Variants in GRM8 observed in about 807,000 individuals in gnomAD.
The protein encoded by GRM8 is metabotropic glutamate receptor 8.
A neutral mutation model predicts 87.2 loss-of-function variants in GRM8; 47 were observed. That is an observed-to-expected ratio of 0.54 (90% confidence interval 0.43 to 0.69). The LOEUF is 0.69. GRM8 is among the 30% of genes least tolerant of loss of function. The probability of loss-of-function intolerance (pLI) is 0.00; values close to 1 mark genes in which losing one functional copy is unlikely to be tolerated. For synonymous variants in GRM8, 396 were observed against 404.5 expected (o/e 0.98, Z 0.25); for missense variants, 1,019 against 1,139.2 (o/e 0.89, Z 1.52).
At chr7:126,738,863 G>T (rs1814575489) in intron 7 of GRM8, among the ~76,000 whole-genome samples, 1 of 151,798 alleles carries the variant, frequency 6.6e-6, no homozygotes, top group Non-Finnish European at 1.5e-5. Context: ...GGAGGAAGAG[G>T]AGTAGGGGAG....
intron 3 of GRM8, among the ~76,000 whole-genome samples, chr7:126,940,172 C>T (rs1172979848): frequency 2.0e-5 from 3 of 152,174 alleles, no homozygotes; most frequent in Non-Finnish European, 2.9e-5. Context: ...CCCACTAACC[C>T]CCACCTGCAA....
At chr7:126,477,579 G>GA (rs769352913) in intron 9 of GRM8, among the ~76,000 whole-genome samples, 2 of 81,536 alleles carry the variant, frequency 2.5e-5, no homozygotes, top group African/African-American at 4.1e-5. Context: ...AAGAAAGAAA[G>GA]AGAGAAAGAA....
intron 3 of GRM8, chr7:126,981,790 C>G (rs2131861651): frequency 6.6e-6 from 1 of 152,182 alleles, no homozygotes; most frequent in African/African-American, 2.4e-5. Flanking sequence ...GAAGCTGTCC[C>G]CACCATTAAT....
intron 3 of GRM8, among the ~76,000 whole-genome samples, chr7:126,957,673 C>G (rs1280264145): frequency 1.3e-5 from 2 of 152,242 alleles, no homozygotes; most frequent in Admixed American, 6.5e-5. Flanking sequence ...TCAGCCCCCT[C>G]TGGACTTTGG....
At chr7:126,865,249 A>G (rs1798487595) in intron 6 of GRM8, among the ~76,000 whole-genome samples, 1 of 152,186 alleles carries the variant, frequency 6.6e-6, no homozygotes, top group Non-Finnish European at 1.5e-5. Context: ...TTGGTATTGG[A>G]ATTTTTAATA....
At chr7:127,030,698 C>G (rs923383096) in intron 3 of GRM8, among the ~76,000 whole-genome samples, 2 of 152,114 alleles carry the variant, frequency 1.3e-5, no homozygotes, top group Admixed American at 1.3e-4. Flanking sequence ...CCATAACATG[C>G]TGAATAGTAC....
chr7:126,819,801 G>A (rs932247272), intron 6 of GRM8, among the ~76,000 whole-genome samples: 1 of 151,880 alleles, frequency 6.6e-6, no homozygotes, highest in African/African-American at 2.4e-5. Flanking sequence ...ATATCATGTT[G>A]GGGAATGGAA....
chr7:126,892,056 A>G (rs999935767), intron 6 of GRM8, among the ~76,000 whole-genome samples: 6 of 150,722 alleles, frequency 4.0e-5, no homozygotes, highest in Non-Finnish European at 5.9e-5. Flanking sequence ...CTAATAAACT[A>G]ATAATTTTTT....
chr7:127,115,037 AC>A (rs764615878), intron 2 of GRM8, among the ~76,000 whole-genome samples: 5 of 152,100 alleles, frequency 3.3e-5, no homozygotes, highest in Admixed American at 6.5e-5. Flanking sequence ...AACGGAAGCC[AC>A]CTTGAGGGGT....
At chr7:126,563,847 A>C (rs7807510) in intron 8 of GRM8, among the ~76,000 whole-genome samples, 1,847 of 152,372 alleles carry the variant, frequency 0.012, 36 homozygotes, top group African/African-American at 0.042. Context: ...TTCCTGATGC[A>C]TGAAATTTAT....
At chr7:126,609,298 TTAAAAA>T in intron 8 of GRM8, 58 bp downstream of exon 8, 2 of 1,283,930 alleles carry the variant, frequency 1.6e-6, no homozygotes, top group Non-Finnish European at 2.2e-6. Flanking sequence ...AGTTATACAC[TTAAAAA>T]TAAAGCATCC....
intron 3 of GRM8, among the ~76,000 whole-genome samples, chr7:127,008,055 A>AAAACAATG (rs1174112139): frequency 6.6e-6 from 1 of 151,986 alleles, no homozygotes; most frequent in Non-Finnish European, 1.5e-5. Flanking sequence ...CGAAAGTGTA[A>AAAACAATG]AAACAATGAA....
At chr7:127,117,091 G>A (rs965682862) in intron 2 of GRM8, among the ~76,000 whole-genome samples, 2 of 152,112 alleles carry the variant, frequency 1.3e-5, no homozygotes, top group East Asian at 3.9e-4. Flanking sequence ...AAAAATAAAT[G>A]TATACTTATA....
chr7:126,519,572 T>C (rs1812674891), intron 9 of GRM8, among the ~76,000 whole-genome samples: 1 of 152,078 alleles, frequency 6.6e-6, no homozygotes, highest in South Asian at 2.1e-4. Context: ...CACTTCTGGC[T>C]CAAACAGTGC....
chr7:127,020,032 A>G (rs1235725929), intron 3 of GRM8, among the ~76,000 whole-genome samples: 2 of 152,220 alleles, frequency 1.3e-5, no homozygotes, highest in African/African-American at 4.8e-5. Context: ...ACAGATCCCA[A>G]CCTAATTAAG....
chr7:127,017,078 A>G (rs1414634204), intron 3 of GRM8, among the ~76,000 whole-genome samples: 1 of 152,086 alleles, frequency 6.6e-6, no homozygotes, highest in African/African-American at 2.4e-5. Context: ...CTGCATTATA[A>G]GATCGATTGA....
At chr7:126,834,949 G>A (rs1215724392) in intron 6 of GRM8, among the ~76,000 whole-genome samples, 1 of 151,764 alleles carries the variant, frequency 6.6e-6, no homozygotes, top group South Asian at 2.1e-4. Context: ...GGTGGTGTGT[G>A]CCTGTATTCC....
At chr7:127,235,438 G>T (rs951235) in intron 2 of GRM8, among the ~76,000 whole-genome samples, 2 of 152,076 alleles carry the variant, frequency 1.3e-5, no homozygotes, top group African/African-American at 2.4e-5. Context: ...CACTCATCTG[G>T]CCCCTTTGTT....
chr7:126,580,352 G>A (rs900046333), intron 8 of GRM8, among the ~76,000 whole-genome samples: 2 of 151,894 alleles, frequency 1.3e-5, no homozygotes, highest in Admixed American at 6.6e-5. Flanking sequence ...TTGCCTTTGT[G>A]CAATCCATTC....
Sources: allele counts gnomAD v4.1 joint callset (sites outside exome capture counted in the v4.1 genomes callset), GRCh38; gene constraint gnomAD v4.1.1; transcripts MANE v1.5; gene names NCBI Gene and HGNC (gene_info 2026-07-23, HGNC 2026-07-21).